The following CCDC144A variants were observed in gnomAD, a reference collection of about 807,000 sequenced individuals.
CCDC144A encodes coiled-coil domain containing 144A, also known as coiled-coil domain-containing protein 144A.
In CCDC144A, 41 loss-of-function variants were observed where a neutral mutation model predicts 143.8. That is an observed-to-expected ratio of 0.29 (90% CI 0.22 to 0.37). The LOEUF is 0.37. CCDC144A is among the 10% of genes least tolerant of loss of function. The probability of loss-of-function intolerance (pLI) is 1.00; values close to 1 mark genes in which losing one functional copy is unlikely to be tolerated. For synonymous variants in CCDC144A, 242 were observed against 517.9 expected, an observed-to-expected ratio of 0.47 and a Z score of 7.23; for missense variants, 637 against 1,488.8, an observed-to-expected ratio of 0.43 and a Z score of 9.41.
At chr17:16,672,442 T>C in the CCDC144A span, among the ~76,000 whole-genome samples, 2 of 151,672 alleles carry the variant, frequency 1.3e-5, no homozygotes, top group African/African-American at 2.4e-5. Flanking sequence ...CAAAACTCCA[T>C]CTCAAAAAAA....
At chr17:16,667,522 G>A in the CCDC144A span, among the ~76,000 whole-genome samples, 1 of 152,192 alleles carries the variant, frequency 6.6e-6, no homozygotes. Context: ...CCGGGTCCCT[G>A]CGGCTGGGTC....
chr17:16,745,724 A>T (rs940423645), intron 12 of CCDC144A: 2 of 1,613,736 alleles, frequency 1.2e-6, no homozygotes, highest in African/African-American at 1.3e-5. Flanking sequence ...CTCGGAAGTG[A>T]GCTCCTGGAT....
exon 17 of CCDC144A, chr17:16,777,878 GAAATTGAAAC>G (rs1473619027): frequency 7.0e-6 from 1 of 143,842 alleles, no homozygotes; most frequent in Non-Finnish European, 1.5e-5. Flanking sequence ...AAAACTAAAT[GAAATTGAAAC>G]AAAAAAATAC....
At chr17:16,684,641 G>A (rs1351607834), upstream of CCDC144A, among the ~76,000 whole-genome samples, 13 of 149,712 alleles carry the variant, frequency 8.7e-5, no homozygotes, top group African/African-American at 3.0e-4. Flanking sequence ...GCAACGATAT[G>A]AGACTCTAAG....
At chr17:16,699,894 C>T (rs1911635426) in intron 2 of CCDC144A, among the ~76,000 whole-genome samples, 1 of 152,112 alleles carries the variant, frequency 6.6e-6, no homozygotes, top group Non-Finnish European at 1.5e-5. Context: ...TATAGCAGTA[C>T]AGGAATCTCC....
At chr17:16,756,303 A>AT (rs1006612512) in intron 12 of CCDC144A, among the ~76,000 whole-genome samples, 2 of 152,020 alleles carry the variant, frequency 1.3e-5, no homozygotes, top group Non-Finnish European at 2.9e-5. Context: ...TTTTTATTTT[A>AT]TTTTTTTTAT....
chr17:16,768,655 A>G (rs1461844425), intron 15 of CCDC144A, among the ~76,000 whole-genome samples: 1 of 152,182 alleles, frequency 6.6e-6, no homozygotes, highest in Non-Finnish European at 1.5e-5. Flanking sequence ...AGTACTTTTT[A>G]TAGTTTTATT....
At chr17:16,747,264 A>G (rs957555052) in intron 12 of CCDC144A, among the ~76,000 whole-genome samples, 4 of 151,970 alleles carry the variant, frequency 2.6e-5, no homozygotes, top group Non-Finnish European at 5.9e-5. Flanking sequence ...CCATTGGTCT[A>G]TGTGTCTGTT....
rs1555531736 is a variant in CCDC144A at position 16,711,151 on chromosome 17, A to AAAACAAAAAAAC, written c.1579-525_1579-524insCAAAAAAACAAA. Among the ~76,000 whole-genome samples the AAAACAAAAAAAC allele has an allele frequency of 4.2e-4, 59 of 141,488 alleles. 1 individual carries two copies. The highest frequency in any genetic ancestry group is 1.5e-3 in the African/African-American group (57 of 38,274). 92.8% of individuals were successfully genotyped at this position (141,488 alleles called of 152,430 possible). On this transcript the variant is annotated intron_variant, in intron 5 of 16. Coordinates refer to ENST00000399273, the MANE Select transcript of CCDC144A (RefSeq NM_001382000.1). ...GGATTCAAATGAAAAAAAAAAAAAA[A>AAAACAAAAAAAC]AAAAAAACAAAAGTTAGTGGGGGAA...
the CCDC144A span, among the ~76,000 whole-genome samples, chr17:16,672,763 C>T: frequency 2.0e-5 from 3 of 152,096 alleles, no homozygotes; most frequent in South Asian, 2.1e-4. Context: ...TAGTCTAATT[C>T]TAAGAATTTG....
intron 15 of CCDC144A, among the ~76,000 whole-genome samples, chr17:16,770,051 C>T (rs1173366536): frequency 6.6e-6 from 1 of 151,464 alleles, no homozygotes; most frequent in African/African-American, 2.4e-5. Context: ...TGGTCTTGAA[C>T]TCCTAACCTT....
chr17:16,683,636 G>T, the CCDC144A span: 16 of 1,610,714 alleles, frequency 9.9e-6, no homozygotes, highest in Non-Finnish European at 1.4e-5. Context: ...ATGAGGCCTG[G>T]GACTTTGTCA....
intron 6 of CCDC144A, among the ~76,000 whole-genome samples, chr17:16,717,547 G>A (rs1912847079): frequency 6.6e-6 from 1 of 152,156 alleles, no homozygotes; most frequent in Non-Finnish European, 1.5e-5. Context: ...TCCAAGTGGA[G>A]TAGTTTTCTC....
intron 6 of CCDC144A, among the ~76,000 whole-genome samples, chr17:16,712,438 A>G (rs1367379377): frequency 1.3e-5 from 2 of 152,126 alleles, no homozygotes; most frequent in Non-Finnish European, 2.9e-5. Context: ...TCAAAATTTC[A>G]AATATGTCAC....
intron 9 of CCDC144A, among the ~76,000 whole-genome samples, chr17:16,730,320 TTC>T (rs1913680383): frequency 9.6e-6 from 1 of 104,442 alleles, no homozygotes; most frequent in Non-Finnish European, 1.8e-5. Flanking sequence ...TATTTCTAGG[TTC>T]TCTATTCTGT....
intron 2 of CCDC144A, among the ~76,000 whole-genome samples, chr17:16,697,773 A>G (rs1456892197): frequency 1.3e-5 from 2 of 152,186 alleles, no homozygotes; most frequent in East Asian, 1.9e-4. Context: ...CATAAAATAA[A>G]CGTGTCATAG....
the CCDC144A span, among the ~76,000 whole-genome samples, chr17:16,678,751 GTTTTTTTTTTTTT>G: frequency 1.3e-5 from 1 of 78,052 alleles, no homozygotes; most frequent in Non-Finnish European, 2.6e-5. Context: ...TGGCTAATTT[GTTTTTTTTTTTTT>G]TTTTTTTTGG....
the CCDC144A span, among the ~76,000 whole-genome samples, chr17:16,669,218 A>G: frequency 6.6e-6 from 1 of 152,356 alleles, no homozygotes; most frequent in African/African-American, 2.4e-5. Context: ...TTTGCATAAT[A>G]TATGTAATGC....
At chr17:16,750,624 T>C (rs1447959694) in intron 12 of CCDC144A, among the ~76,000 whole-genome samples, 1 of 151,982 alleles carries the variant, frequency 6.6e-6, no homozygotes, top group African/African-American at 2.4e-5. Flanking sequence ...GACTATATCC[T>C]CAGACATGTT....
Sources: allele counts gnomAD v4.1 joint callset (sites outside exome capture counted in the v4.1 genomes callset), GRCh38; gene constraint gnomAD v4.1.1; transcripts MANE v1.5; gene names NCBI Gene and HGNC (gene_info 2026-07-23, HGNC 2026-07-21).